PHF2: variants seen among roughly 807,000 people sequenced by gnomAD.
PHF2 encodes the protein lysine-specific demethylase PHF2.
PHF2 carries 27 observed loss-of-function variants against 120.5 expected under a neutral mutation model. That is an observed-to-expected ratio of 0.22 (90% CI 0.17 to 0.31). The LOEUF is 0.31. Ranked by LOEUF, PHF2 falls within the 10% of genes least tolerant of loss-of-function variation. The probability of loss-of-function intolerance (pLI) is 1.00; values close to 1 mark genes in which losing one functional copy is unlikely to be tolerated. For missense variants in PHF2, 1,024 were observed against 1,434.8 expected, an observed-to-expected ratio of 0.71 and a Z score of 4.63; for synonymous variants, 568 against 592.5, an observed-to-expected ratio of 0.96 and a Z score of 0.60.
chr9:93,642,863 A>G (rs1350716228), intron 3 of PHF2, among the ~76,000 whole-genome samples: 1 of 152,190 alleles, frequency 6.6e-6, no homozygotes, highest in East Asian at 1.9e-4. Context: ...TGTTTAGTGC[A>G]TCCATTGAGT....
intron 2 of PHF2, 79 bp from the exon 3 acceptor site, chr9:93,636,332 C>A: frequency 8.7e-7 from 1 of 1,154,630 alleles, no homozygotes; most frequent in Non-Finnish European, 1.3e-6. Context: ...GCTGGGTGGG[C>A]CAAGGTTCTT....
chr9:93,660,215 G>A lies in PHF2; in HGVS notation c.1353G>A (p.Pro451=), dbSNP rs377362620. 3.4e-5 allele frequency: 53 copies of A among 1,577,952 alleles called. No homozygotes were observed. The highest frequency in any genetic ancestry group is 5.8e-5 in the Admixed American group (3 of 51,860). The change falls in exon 12 of 22, where the codon CCG becomes CCA. Residue 451 remains proline, a synonymous_variant. Coordinates refer to ENST00000359246, the MANE Select transcript of PHF2 (RefSeq NM_005392.4). ...AGAATGCCTCCAAAGCCGTCCGACC[G>A]GAAGTGAATACTGTCGCCTCGTCAG... ...LSENASKAVR[P]EVNTVASSDE...
chr9:93,651,414 G>A (rs1017055514), intron 5 of PHF2, among the ~76,000 whole-genome samples: 2 of 152,128 alleles, frequency 1.3e-5, no homozygotes, highest in African/African-American at 4.8e-5. Context: ...TCATTAGGGG[G>A]TTGTTTGCAA....
At chr9:93,619,035 G>GC (rs1177739211) in intron 1 of PHF2, among the ~76,000 whole-genome samples, 3 of 151,762 alleles carry the variant, frequency 2.0e-5, no homozygotes, top group African/African-American at 4.8e-5. Flanking sequence ...GCCTGTCCTT[G>GC]CCCACCATGT....
intron 1 of PHF2, among the ~76,000 whole-genome samples, chr9:93,627,317 C>T (rs1825928729): frequency 6.6e-6 from 1 of 151,636 alleles, no homozygotes; most frequent in Non-Finnish European, 1.5e-5. Context: ...TGTAGAAATC[C>T]AACTGGTTTT....
rs115182033 is a variant in PHF2, at chr9:93,650,808, C to T, written c.602+1596C>T. The stretch of plus-strand genomic sequence containing the variant: ...TCCAGAACACTCACTCACCGTAAGG[C>T]GCGGGTGGCTAAGGATGGCTTTAGT... On this transcript the variant is annotated intron_variant, in intron 5 of 21. Transcript: ENST00000359246. 6.4e-3 allele frequency among the ~76,000 whole-genome samples: 976 copies of T among 152,312 alleles called. 12 individuals are homozygous for T. The highest frequency in any genetic ancestry group is 0.022 in the African/African-American group (908 of 41,556).
intron 1 of PHF2, among the ~76,000 whole-genome samples, chr9:93,614,241 G>A (rs1273953303): frequency 6.6e-6 from 1 of 152,200 alleles, no homozygotes; most frequent in Non-Finnish European, 1.5e-5. Flanking sequence ...GCACAGGGTG[G>A]ACCTCACTTC....
chr9:93,676,634 A>G lies in PHF2; in HGVS notation c.2873A>G (p.Lys958Arg). 1 of 1,608,084 alleles carries G rather than the reference A, an allele frequency of 6.2e-7. No homozygotes were observed. The highest frequency in any genetic ancestry group is 1.1e-5 in the South Asian group (1 of 90,110). Residue 958 changes from lysine (K) to arginine (R), a missense_variant, in exon 21 of 22, where the codon AAG becomes AGG. Lys to Arg is a conservative substitution (Grantham distance 26, BLOSUM62 2). Coordinates refer to ENST00000359246, the MANE Select transcript of PHF2 (RefSeq NM_005392.4). ...AAGAAAAAAAAGAGTGCCAAGAGGA[A>G]GCTGACTCCTAACACCACCTCCCCT... ...KSKKKKSAKR[K>R]LTPNTTSPST...
intron 3 of PHF2, among the ~76,000 whole-genome samples, chr9:93,640,125 G>GT (rs34033348): frequency 0.68 from 102,391 of 151,640 alleles, 35,384 homozygotes; most frequent in African/African-American, 0.79. Flanking sequence ...TTGGTCTTTG[G>GT]TTTTTTTTGC....
chr9:93,675,663 G>T lies in PHF2; in HGVS notation c.2723-17G>T, dbSNP rs753112819. 1 of 1,598,660 alleles carries T rather than the reference G, an allele frequency of 6.3e-7. No individual in the cohort carries two copies. Reference sequence around the variant, plus strand: ...TGTGGCCTACAGCTTGAGGGGGCTGGCCCTTCTTTTCCACAGCAAGGGTCG... The same window carrying T: ...TGTGGCCTACAGCTTGAGGGGGCTGTCCCTTCTTTTCCACAGCAAGGGTCG... On this transcript the variant is annotated splice_polypyrimidine_tract_variant and intron_variant, in intron 19 of 21. Coordinates refer to ENST00000359246, the MANE Select transcript of PHF2 (RefSeq NM_005392.4).
In PHF2 at chr9:93,586,989, C is replaced by T. The variant is rs564306630; in HGVS notation, c.98+10118C>T. 3.9e-5 allele frequency among the ~76,000 whole-genome samples: 6 copies of T among 152,338 alleles called. No individual in the cohort carries two copies. The South Asian group carries it at 6.2e-4, about 16-fold the overall frequency. ...ATGAGGGGAGATATGGTTAGGGAGG[C>T]ACCTTGGCCTGTTGGCCATGGGTGG... On this transcript the variant is annotated intron_variant, in intron 1 of 21. Transcript: ENST00000359246.
At chr9:93,649,246 G>T in intron 5 of PHF2, 34 bp downstream of exon 5, 1 of 1,537,298 alleles carries the variant, frequency 6.5e-7, no homozygotes, top group Non-Finnish European at 8.8e-7. Flanking sequence ...GTGGGGGCTG[G>T]GGTTGGGGCA....
At chr9:93,577,886 T>A (rs1862862114) in intron 1 of PHF2, among the ~76,000 whole-genome samples, 1 of 152,162 alleles carries the variant, frequency 6.6e-6, no homozygotes, top group Admixed American at 6.5e-5. Context: ...CTCTTGCATC[T>A]GACTTTGCCT....
intron 1 of PHF2, among the ~76,000 whole-genome samples, chr9:93,615,189 G>C (rs1397575608): frequency 7.7e-6 from 1 of 130,698 alleles, no homozygotes; most frequent in African/African-American, 2.9e-5. Flanking sequence ...TGGTGATGGC[G>C]ATGGTGATGA....
At chr9:93,671,116 AT>A (rs1564402897) in intron 17 of PHF2, 1 of 892,390 alleles carries the variant, frequency 1.1e-6, no homozygotes, top group African/African-American at 2.8e-5. Flanking sequence ...GTGGGGGTGC[AT>A]GTGTGGGGGT....
At chr9:93,624,672 GTGATGATGATGA>G (rs904102674) in intron 1 of PHF2, among the ~76,000 whole-genome samples, 1 of 113,488 alleles carries the variant, frequency 8.8e-6, no homozygotes, top group African/African-American at 3.7e-5. Context: ...GGTGGTGATG[GTGATGATGATGA>G]TGGTGGTGGC....
intron 17 of PHF2, chr9:93,671,068 G>A: frequency 9.2e-6 from 9 of 974,958 alleles, no homozygotes; most frequent in Non-Finnish European, 1.1e-5. Context: ...GATGCAGGTG[G>A]GGGTGCAGGG....
intron 1 of PHF2, among the ~76,000 whole-genome samples, chr9:93,624,748 GATA>G (rs202189676): frequency 1.6e-3 from 236 of 150,548 alleles, no homozygotes; most frequent in African/African-American, 4.9e-3. Flanking sequence ...TGATGGTAAT[GATA>G]ATGATGATGG....
At chr9:93,607,535 G>A (rs1181258893) in intron 1 of PHF2, among the ~76,000 whole-genome samples, 8 of 148,570 alleles carry the variant, frequency 5.4e-5, no homozygotes, top group Admixed American at 1.4e-4. Context: ...TGCCCACCTC[G>A]GCCTCTCAAA....
Sources: allele counts gnomAD v4.1 joint callset (sites outside exome capture counted in the v4.1 genomes callset), GRCh38; gene constraint gnomAD v4.1.1; transcripts MANE v1.5; gene names NCBI Gene and HGNC (gene_info 2026-07-23, HGNC 2026-07-21).